Variants in TMCO6 observed in about 807,000 individuals in gnomAD.
The protein encoded by TMCO6 is transmembrane and coiled-coil domain-containing protein 6.
A neutral mutation model predicts 61.8 loss-of-function variants in TMCO6; 47 were observed. The ratio of observed to expected loss-of-function variants is 0.76; its 90% confidence interval spans 0.60 to 0.97. The LOEUF (loss-of-function observed/expected upper bound fraction) is 0.97. TMCO6 is among the 50% of genes least tolerant of loss of function. The pLI, the probability that TMCO6 is intolerant of heterozygous loss-of-function variation, is 0.00. For synonymous variants in TMCO6, 261 were observed against 254.2 expected, an observed-to-expected ratio of 1.03 and a Z score of -0.25; for missense variants, 557 against 601.6, an observed-to-expected ratio of 0.93 and a Z score of 0.78.
the TMCO6 span, chr5:140,632,283 A>C: frequency 6.2e-7 from 1 of 1,613,888 alleles, no homozygotes; most frequent in African/African-American, 1.3e-5. This position sits in a 1 kb window ranked among gnomAD's most constrained non-coding sequence, Gnocchi z 6.2. Flanking sequence ...GGGCGTCTCC[A>C]TTCCTGTGTT....
chr5:140,618,246 A>G, the TMCO6 span, among the ~76,000 whole-genome samples: 3 of 152,140 alleles, frequency 2.0e-5, no homozygotes, highest in Non-Finnish European at 2.9e-5. Context: ...CCTGACCAAC[A>G]TGGCGAAACC....
the TMCO6 span, among the ~76,000 whole-genome samples, chr5:140,605,535 C>T: frequency 9.2e-5 from 14 of 152,126 alleles, no homozygotes; most frequent in Middle Eastern, 6.8e-3. Context: ...CAAAAATTAG[C>T]TGGGCATGGT....
the TMCO6 span, among the ~76,000 whole-genome samples, chr5:140,617,577 A>ATACAAG: frequency 2.4e-4 from 36 of 152,152 alleles, no homozygotes; most frequent in African/African-American, 8.2e-4. Flanking sequence ...ACAAATACAA[A>ATACAAG]TACAAAAATT....
chr5:140,602,390 G>C, the TMCO6 span, among the ~76,000 whole-genome samples: 1 of 152,180 alleles, frequency 6.6e-6, no homozygotes, highest in African/African-American at 2.4e-5. Flanking sequence ...ACTTAGAGCA[G>C]TTTGTAACTG....
chr5:140,598,616 G>A, the TMCO6 span, among the ~76,000 whole-genome samples: 1 of 152,140 alleles, frequency 6.6e-6, no homozygotes, highest in Non-Finnish European at 1.5e-5. Context: ...CTACCACTAG[G>A]TGTGCAAAGC....
chr5:140,626,838 C>T, the TMCO6 span, among the ~76,000 whole-genome samples: 1 of 152,168 alleles, frequency 6.6e-6, no homozygotes, highest in African/African-American at 2.4e-5. Context: ...AGGCATGAGC[C>T]AAAGTGCCCA....
chr5:140,624,629 C>CA, the TMCO6 span, among the ~76,000 whole-genome samples: 1 of 151,844 alleles, frequency 6.6e-6, no homozygotes, highest in African/African-American at 2.4e-5. Context: ...TGGCTCGCTG[C>CA]ACCTCTGCCT....
chr5:140,601,838 C>G, the TMCO6 span, among the ~76,000 whole-genome samples: 1 of 152,150 alleles, frequency 6.6e-6, no homozygotes, highest in East Asian at 1.9e-4. Context: ...TTGAGAACAA[C>G]TGTTGATGAG....
rs775962744 is a variant in TMCO6 at position 140,641,880 on chromosome 5, A to G, written c.325A>G (p.Ser109Gly). Residue 109 changes from serine to glycine, a missense_variant, in exon 4 of 12, where the codon AGC becomes GGC. Coordinates refer to ENST00000394671, the MANE Select transcript of TMCO6 (RefSeq NM_018502.5). ...TQQTFIRLEG[S>G]MRTLVGLLTS... ...TACTCACTCACATAGGCTGGAGGGC[A>G]GCATGCGGACCCTGGTCGGGCTCCT... 8 of 1,612,590 alleles carry G rather than the reference A, an allele frequency of 5.0e-6. No individual in the cohort carries two copies. In the Admixed American group the frequency reaches 6.7e-5, roughly 13 times the overall value.
intron 1 of TMCO6, 31 bp downstream of exon 1, chr5:140,639,643 AT>A (rs1317821772): frequency 3.6e-5 from 55 of 1,540,126 alleles, no homozygotes; most frequent in Non-Finnish European, 4.8e-5. Context: ...GCGGGGGTAT[AT>A]GGCGGTCGGG....
the TMCO6 span, among the ~76,000 whole-genome samples, chr5:140,625,277 C>A: frequency 6.6e-6 from 1 of 152,184 alleles, no homozygotes; most frequent in African/African-American, 2.4e-5. Flanking sequence ...TTTATGTTAC[C>A]CTTTGTCAGT....
At chr5:140,632,121 A>G in the TMCO6 span, 1 of 1,614,168 alleles carries the variant, frequency 6.2e-7, no homozygotes, top group Admixed American at 1.7e-5. The surrounding 1 kb of genome is among the most constrained non-coding windows in gnomAD (Gnocchi z 6.2). Flanking sequence ...CACCTGTTCC[A>G]GCCCAGCGAA....
intron 1 of TMCO6, 61 bp downstream of exon 1, chr5:140,639,673 G>C: frequency 6.5e-7 from 1 of 1,545,154 alleles, no homozygotes; most frequent in Admixed American, 2.0e-5. Context: ...GAGACCCCAG[G>C]CTCGGAGCCG....
chr5:140,602,623 G>A, the TMCO6 span, among the ~76,000 whole-genome samples: 679 of 151,972 alleles, frequency 4.5e-3, 4 homozygotes, highest in African/African-American at 0.015. Context: ...AATTAGCCAG[G>A]CGTGGTGGCA....
the TMCO6 span, among the ~76,000 whole-genome samples, chr5:140,627,847 G>T: frequency 2.6e-5 from 4 of 151,354 alleles, no homozygotes; most frequent in African/African-American, 9.7e-5. Flanking sequence ...AGTGAGTCAA[G>T]ATTCTGCCAC....
chr5:140,611,386 A>C, the TMCO6 span, among the ~76,000 whole-genome samples: 4 of 152,108 alleles, frequency 2.6e-5, no homozygotes, highest in Non-Finnish European at 4.4e-5. Context: ...CCACTGTTTT[A>C]CTGGGGCCTA....
rs773011548 is a variant in TMCO6 at position 140,644,594 on chromosome 5, G to A, written c.1222G>A (p.Val408Ile). 6.2e-7 allele frequency: 1 copy of A among 1,614,240 alleles called. No individual in the cohort carries two copies. Among genetic ancestry groups the A allele is most frequent in the Non-Finnish European group, 8.5e-7 (1 of 1,180,044 alleles). The change falls in exon 11 of 12, where the codon GTT (valine) becomes ATT (isoleucine). Residue 408 changes from valine to isoleucine, a missense_variant. Physicochemically the swap from Val to Ile is conservative, Grantham distance 29. Coordinates refer to ENST00000394671, the MANE Select transcript of TMCO6 (RefSeq NM_018502.5). Reference sequence around the variant, plus strand: ...GCAGGTGCTCACAGTTCTGTGCAATGTTGCAGAAAAGGGTCCTGCTTACTG... The same window carrying A: ...GCAGGTGCTCACAGTTCTGTGCAATATTGCAGAAAAGGGTCCTGCTTACTG... The part of the protein sequence containing the change: ...SVMVLTVLCN[V>I]AEKGPAYCQR...
chr5:140,647,553 C>T (rs375905956), downstream of TMCO6: 5 of 1,611,580 alleles, frequency 3.1e-6, no homozygotes, highest in Admixed American at 3.3e-5. Flanking sequence ...AGCTTTGCCC[C>T]GACTCCTCGA....
At chr5:140,625,887 G>A in the TMCO6 span, among the ~76,000 whole-genome samples, 1 of 152,148 alleles carries the variant, frequency 6.6e-6, no homozygotes, top group East Asian at 1.9e-4. Flanking sequence ...CAGTAGAGGA[G>A]GCATAGGGAG....
Sources: allele counts gnomAD v4.1 joint callset (sites outside exome capture counted in the v4.1 genomes callset), GRCh38; gene constraint gnomAD v4.1.1; non-coding constraint Gnocchi (gnomAD v3.1); transcripts MANE v1.5; gene names NCBI Gene and HGNC (gene_info 2026-07-23, HGNC 2026-07-21).